RAB3GAP2: variants seen among roughly 807,000 people sequenced by gnomAD.
The protein encoded by RAB3GAP2 is rab3 GTPase-activating protein non-catalytic subunit.
RAB3GAP2 carries 87 observed loss-of-function variants against 185.3 expected under a neutral mutation model. The observed-to-expected ratio is 0.47, with a 90% CI of 0.39 to 0.56. The LOEUF is 0.56. Ranked by LOEUF, RAB3GAP2 falls within the 20% of genes least tolerant of loss-of-function variation. The probability of loss-of-function intolerance (pLI) is 0.00; values close to 1 mark genes in which losing one functional copy is unlikely to be tolerated. For synonymous variants in RAB3GAP2, 554 were observed against 576.1 expected (o/e 0.96, Z 0.55); for missense variants, 1,492 against 1,638.2 (o/e 0.91, Z 1.54).
chr1:220,159,242 C>A, intron 29 of RAB3GAP2, 144 bp downstream of exon 29: 2 of 692,196 alleles, frequency 2.9e-6, no homozygotes, highest in Middle Eastern at 2.6e-4. Context: ...TTCCTTAATG[C>A]AGTATTCTCT....
At chr1:220,208,858 A>C (rs531675410) in intron 7 of RAB3GAP2, among the ~76,000 whole-genome samples, 1 of 152,306 alleles carries the variant, frequency 6.6e-6, no homozygotes, top group East Asian at 1.9e-4. Flanking sequence ...CTGGGACTAC[A>C]GGCGCATGCC....
chr1:220,168,058 T>C (rs1265378044), intron 24 of RAB3GAP2, among the ~76,000 whole-genome samples: 1 of 152,190 alleles, frequency 6.6e-6, no homozygotes, highest in Non-Finnish European at 1.5e-5. Context: ...AGTATGACAT[T>C]TGTCTAGGCT....
At chr1:220,180,945 A>C (rs1293289390) in intron 21 of RAB3GAP2, among the ~76,000 whole-genome samples, 1 of 152,182 alleles carries the variant, frequency 6.6e-6, no homozygotes, top group African/African-American at 2.4e-5. Context: ...ATATTCAGAA[A>C]AAAAAAGATG....
chr1:220,257,177 G>C (rs945719285), intron 1 of RAB3GAP2, among the ~76,000 whole-genome samples: 1 of 152,118 alleles, frequency 6.6e-6, no homozygotes, highest in African/African-American at 2.4e-5. Flanking sequence ...AGGAGATCAA[G>C]ACCATCCTGG....
At chr1:220,240,032 G>A (rs920655252) in intron 1 of RAB3GAP2, among the ~76,000 whole-genome samples, 3 of 149,696 alleles carry the variant, frequency 2.0e-5, no homozygotes, top group Non-Finnish European at 3.0e-5. Flanking sequence ...TCTTGTGTCT[G>A]TAGTCTATTA....
chr1:220,232,825 A>C lies in RAB3GAP2; in HGVS notation c.154T>G (p.Trp52Gly), dbSNP rs1169485661. The change falls in exon 2 of 35, where the codon TGG becomes GGG. Residue 52 changes from tryptophan (W) to glycine (G), a missense_variant. Coordinates refer to ENST00000358951, the MANE Select transcript of RAB3GAP2 (RefSeq NM_012414.4). ...GGTTCTTGTGGTTCATTTTCTTCCC[A>C]TGCTCCCCAACCATCATCTTCCCAG... ...TDWEDDGWGAWEENEPQEPEE... is the reference protein window; with the variant it reads ...TDWEDDGWGAGEENEPQEPEE... 1 of 1,613,886 alleles carries C rather than the reference A, an allele frequency of 6.2e-7. No homozygotes were observed. Among genetic ancestry groups the C allele is most frequent in the South Asian group, 1.1e-5 (1 of 91,076 alleles).
chr1:220,267,666 A>T, intron 1 of RAB3GAP2: 2 of 1,507,824 alleles, frequency 1.3e-6, no homozygotes, highest in South Asian at 1.1e-5. Flanking sequence ...AGGATGAGGT[A>T]CACTGGTTGC....
chr1:220,267,102 A>T, intron 1 of RAB3GAP2: 1 of 1,505,256 alleles, frequency 6.6e-7, no homozygotes, highest in Non-Finnish European at 9.2e-7. Flanking sequence ...CAAAATTTGC[A>T]ATTTCAAGCT....
chr1:220,191,244 C>T lies in RAB3GAP2; in HGVS notation c.1311G>A (p.Glu437=), dbSNP rs2102869773. The T allele has an allele frequency of 6.2e-7, 1 of 1,613,136 alleles. No individual in the cohort carries two copies. Among genetic ancestry groups the T allele is most frequent in the Non-Finnish European group, 8.5e-7 (1 of 1,179,798 alleles). Residue 437 remains glutamate, a synonymous_variant, in exon 14 of 35, where the codon GAG becomes GAA. Coordinates refer to ENST00000358951, the MANE Select transcript of RAB3GAP2 (RefSeq NM_012414.4). The part of the protein sequence containing the change: ...DAQIGWIQTV[E]DLHERVPEKA... ...TTTCTGGCACTCTTTCATGGAGGTC[C>T]TCTACAGTTTGAATCCATCCAATTT...
At chr1:220,169,147 G>A (rs367560991) in intron 24 of RAB3GAP2, among the ~76,000 whole-genome samples, 25 of 152,288 alleles carry the variant, frequency 1.6e-4, no homozygotes, top group South Asian at 8.3e-4. Flanking sequence ...AGTGTGGTGA[G>A]TTTACAATAA....
intron 1 of RAB3GAP2, among the ~76,000 whole-genome samples, chr1:220,233,149 T>G (rs1659531064): frequency 6.6e-6 from 1 of 152,144 alleles, no homozygotes; most frequent in Non-Finnish European, 1.5e-5. Flanking sequence ...TCAAGTTAAT[T>G]CACATTCAAA....
At chr1:220,195,684 T>C (rs541546392) in intron 10 of RAB3GAP2, among the ~76,000 whole-genome samples, 2 of 152,316 alleles carry the variant, frequency 1.3e-5, no homozygotes, top group South Asian at 2.1e-4. Context: ...AGCTGGACTA[T>C]GGATTTCACA....
intron 21 of RAB3GAP2, among the ~76,000 whole-genome samples, chr1:220,179,753 C>T (rs1170928011): frequency 6.6e-6 from 1 of 152,056 alleles, no homozygotes; most frequent in Non-Finnish European, 1.5e-5. Context: ...AAACGACATG[C>T]TACTGAACAA....
At chr1:220,255,445 G>A (rs1660017668) in intron 1 of RAB3GAP2, among the ~76,000 whole-genome samples, 1 of 152,202 alleles carries the variant, frequency 6.6e-6, no homozygotes, top group Admixed American at 6.5e-5. Flanking sequence ...TGAATTGACA[G>A]AAGTCGGCTT....
intron 13 of RAB3GAP2, among the ~76,000 whole-genome samples, chr1:220,192,819 G>T (rs1306468273): frequency 6.6e-6 from 1 of 152,188 alleles, no homozygotes; most frequent in African/African-American, 2.4e-5. Context: ...ACACCAGGTG[G>T]ATTGACCCAA....
chr1:220,211,073 A>T, intron 4 of RAB3GAP2, 71 bp from the exon 5 acceptor site: 1 of 1,401,152 alleles, frequency 7.1e-7, no homozygotes, highest in Non-Finnish European at 1.0e-6. Context: ...CTATAATTGG[A>T]TGTTAAAGGA....
chr1:220,266,579 A>T (rs907250722), intron 1 of RAB3GAP2: 2 of 885,692 alleles, frequency 2.3e-6, no homozygotes, highest in African/African-American at 3.3e-5. Context: ...TGCTCAGTAA[A>T]ACAAATATTT....
chr1:220,265,961 A>G (rs1417585663), intron 1 of RAB3GAP2: 1 of 152,226 alleles, frequency 6.6e-6, no homozygotes, highest in African/African-American at 2.4e-5. Context: ...AAAGCCACAA[A>G]GCAGTAAGAC....
At chr1:220,185,819 A>G in intron 17 of RAB3GAP2, 78 bp from the exon 18 acceptor site, 1 of 1,038,934 alleles carries the variant, frequency 9.6e-7, no homozygotes, top group Non-Finnish European at 1.5e-6. Context: ...TTATGCCCAA[A>G]CTTTCACTAC....
Sources: allele counts gnomAD v4.1 joint callset (sites outside exome capture counted in the v4.1 genomes callset), GRCh38; gene constraint gnomAD v4.1.1; transcripts MANE v1.5; gene names NCBI Gene and HGNC (gene_info 2026-07-23, HGNC 2026-07-21).